Variants in CACNA1E observed in about 807,000 individuals in gnomAD.
The protein encoded by CACNA1E is calcium voltage-gated channel subunit alpha1 E, also known as voltage-dependent R-type calcium channel subunit alpha-1E.
CACNA1E carries 40 observed loss-of-function variants against 259.2 expected under a neutral mutation model. That is an observed-to-expected ratio of 0.15 (90% CI 0.12 to 0.20). The LOEUF (loss-of-function observed/expected upper bound fraction) is 0.20. Among genes scored for constraint, CACNA1E ranks in the 10% least tolerant of loss-of-function variants. CACNA1E has a pLI of 1.00. For synonymous variants in CACNA1E, 1,104 were observed against 1,138.5 expected (o/e 0.97, Z 0.61); for missense variants, 1,874 against 3,040.1 (o/e 0.62, Z 9.02).
At chr1:181,668,143 G>A (rs1648430026) in intron 7 of CACNA1E, among the ~76,000 whole-genome samples, 1 of 152,106 alleles carries the variant, frequency 6.6e-6, no homozygotes, top group Non-Finnish European at 1.5e-5. Flanking sequence ...AAGACCCCTT[G>A]TGCTACCCTT....
intron 46 of CACNA1E, among the ~76,000 whole-genome samples, chr1:181,796,292 G>A (rs1395243350): frequency 2.0e-5 from 3 of 152,158 alleles, no homozygotes; most frequent in African/African-American, 7.2e-5. Flanking sequence ...ACCACAGACT[G>A]GGTAGATTCA....
At chr1:181,509,421 C>G (rs1222738772) in intron 1 of CACNA1E, among the ~76,000 whole-genome samples, 1 of 152,108 alleles carries the variant, frequency 6.6e-6, no homozygotes, top group East Asian at 1.9e-4. Context: ...AGTCCCTTTC[C>G]TTCCCTCCAC....
In CACNA1E at chr1:181,733,001, C is replaced by T. The variant is rs747398390; in HGVS notation, c.2915C>T (p.Thr972Met). ...LRGNHGAKEP[T>M]IQEERAQDLR... is the part of the protein sequence containing the mutation. ...GGCAACCATGGTGCCAAGGAGCCAA[C>T]GATCCAAGAAGAGAGAGCCCAGGAT... The change falls in exon 20 of 48, where the codon ACG (threonine) becomes ATG (methionine). Residue 972 changes from threonine to methionine, a missense_variant. This residue lies in a region of CACNA1E where 476 missense variants were observed against 514.0 expected (regional missense o/e 0.93). Transcript: ENST00000367573. 11 of 1,610,762 alleles carry T rather than the reference C, an allele frequency of 6.8e-6. No homozygotes were observed. The highest frequency in any genetic ancestry group is 3.3e-5 in the South Asian group (3 of 90,636).
At chr1:181,663,588 C>G (rs1049625227) in intron 7 of CACNA1E, among the ~76,000 whole-genome samples, 3 of 152,146 alleles carry the variant, frequency 2.0e-5, no homozygotes, top group East Asian at 1.9e-4. Context: ...GCCATGCCCC[C>G]CTATGACCTC....
intron 3 of CACNA1E, among the ~76,000 whole-genome samples, chr1:181,529,214 C>T (rs945035229): frequency 6.6e-6 from 1 of 152,098 alleles, no homozygotes; most frequent in East Asian, 1.9e-4. Context: ...GGTGGAAGCC[C>T]CAAGTCTTGG....
chr1:181,754,701 A>G (rs921441917), intron 27 of CACNA1E, among the ~76,000 whole-genome samples: 1 of 152,252 alleles, frequency 6.6e-6, no homozygotes, highest in East Asian at 1.9e-4. Flanking sequence ...GAATATAATC[A>G]TAAATGTATG....
At chr1:181,692,309 A>G (rs2102328491) in intron 7 of CACNA1E, among the ~76,000 whole-genome samples, 1 of 152,304 alleles carries the variant, frequency 6.6e-6, no homozygotes, top group East Asian at 1.9e-4. Context: ...CTATTCTAAA[A>G]TTTACATGGA....
chr1:181,414,227 G>A (rs919581998), intron 2 of CACNA1E, among the ~76,000 whole-genome samples: 1 of 152,194 alleles, frequency 6.6e-6, no homozygotes, highest in Admixed American at 6.5e-5. Context: ...TCCATAGAAG[G>A]ACTTTGCTTT....
At chr1:181,641,603 T>G (rs1203457822) in intron 6 of CACNA1E, among the ~76,000 whole-genome samples, 1 of 152,164 alleles carries the variant, frequency 6.6e-6, no homozygotes, top group Non-Finnish European at 1.5e-5. Flanking sequence ...TTTGCAGGTC[T>G]GATTTCAGTG....
At chr1:181,499,136 T>C (rs1003099475) in intron 1 of CACNA1E, among the ~76,000 whole-genome samples, 4 of 152,176 alleles carry the variant, frequency 2.6e-5, no homozygotes, top group African/African-American at 4.8e-5. Context: ...CTACCCAGTG[T>C]AAAACCAAGA....
chr1:181,758,651 G>A lies in CACNA1E; in HGVS notation c.4495-107G>A. 1 of 648,082 alleles carries A rather than the reference G, an allele frequency of 1.5e-6. No individual in the cohort carries two copies. Among genetic ancestry groups the A allele is most frequent in the Non-Finnish European group, 2.8e-6 (1 of 360,820 alleles). 40.1% of individuals were successfully genotyped at this position (648,082 alleles called of 1,614,324 possible). On this transcript the variant is annotated intron_variant, in intron 31 of 47. Coordinates refer to ENST00000367573, the MANE Select transcript of CACNA1E (RefSeq NM_001205293.3). The surrounding 1 kb of genome is among the most constrained non-coding windows in gnomAD (Gnocchi z 4.2). Reference sequence around the variant, plus strand: ...ATCTCTCCTCCTGTACCACACACCAGAGTGTCCCACAGGGCAGGAATGAGA... The same window carrying A: ...ATCTCTCCTCCTGTACCACACACCAAAGTGTCCCACAGGGCAGGAATGAGA...
At position 181,739,179 on chromosome 1, in the gene CACNA1E, G is replaced by T. The variant is rs1483963898; in HGVS notation, c.3645G>T (p.Gly1215=). ...ACCAAGGCTTGATCCTGCAGGATGG[G>T]TCCTACTTCCGAGACTTGTGGAACA... The part of the protein sequence containing the change: ...MIDQGLILQD[G]SYFRDLWNIL... Residue 1215 remains glycine, a synonymous_variant, in exon 25 of 48, where the codon GGG becomes GGT. Transcript: ENST00000367573. 5 of 1,613,568 alleles carry T rather than the reference G, an allele frequency of 3.1e-6. No individual in the cohort carries two copies. In the South Asian group the frequency reaches 5.5e-5, roughly 18 times the overall value.
intron 7 of CACNA1E, among the ~76,000 whole-genome samples, chr1:181,685,230 GTTTTTTTT>G (rs139598690): frequency 1.0e-3 from 105 of 103,450 alleles, no homozygotes; most frequent in African/African-American, 3.7e-3. Context: ...CCACCTTTAA[GTTTTTTTT>G]TTTTTTTTTT....
intron 1 of CACNA1E, among the ~76,000 whole-genome samples, chr1:181,337,562 T>C (rs1009878433): frequency 2.6e-5 from 4 of 152,232 alleles, no homozygotes; most frequent in Admixed American, 1.3e-4. Context: ...TTACTCTTTG[T>C]TTCTACATAT....
intron 7 of CACNA1E, among the ~76,000 whole-genome samples, chr1:181,694,329 T>C (rs1410293378): frequency 6.6e-6 from 1 of 152,160 alleles, no homozygotes; most frequent in Non-Finnish European, 1.5e-5. Context: ...TGCAGTAAAT[T>C]AATAATAGAA....
intron 6 of CACNA1E, among the ~76,000 whole-genome samples, chr1:181,595,301 C>T (rs1188772292): frequency 6.6e-6 from 1 of 152,144 alleles, no homozygotes; most frequent in Non-Finnish European, 1.5e-5. Context: ...AGGTACTTCT[C>T]GTGGCTGCCA....
intron 1 of CACNA1E, among the ~76,000 whole-genome samples, chr1:181,382,876 G>A (rs1655561361): frequency 6.6e-6 from 1 of 152,140 alleles, no homozygotes; most frequent in African/African-American, 2.4e-5. Context: ...TTCCTGTGTT[G>A]TAAAGTGGGA....
chr1:181,386,491 C>G (rs1448572606), intron 1 of CACNA1E, among the ~76,000 whole-genome samples: 1 of 152,138 alleles, frequency 6.6e-6, no homozygotes, highest in Non-Finnish European at 1.5e-5. Context: ...TCTAGGTCAT[C>G]TGAAGGACAC....
intron 6 of CACNA1E, among the ~76,000 whole-genome samples, chr1:181,620,794 C>G (rs1460635358): frequency 1.3e-5 from 2 of 152,150 alleles, no homozygotes; most frequent in Non-Finnish European, 2.9e-5. Context: ...GCCATAAAGT[C>G]AGGAAAGGCT....
Sources: gnomAD v4.1 joint callset for allele counts (sites outside exome capture counted in the v4.1 genomes callset) on GRCh38, gnomAD v4.1.1 for gene constraint, gnomAD v4.1.1 regional missense constraint, Gnocchi (gnomAD v3.1) non-coding constraint, MANE v1.5 for transcripts, NCBI Gene and HGNC (gene_info 2026-07-23, HGNC 2026-07-21) for gene names.